The following ALCAM variants were observed in gnomAD, a reference collection of about 807,000 sequenced individuals.
ALCAM encodes CD166 antigen.
In ALCAM, 30 loss-of-function variants were observed where a neutral mutation model predicts 70.9. The observed-to-expected ratio is 0.42, with a 90% CI of 0.32 to 0.57. The LOEUF (loss-of-function observed/expected upper bound fraction) is 0.57, where lower values mean the gene tolerates loss of function less well. Among genes scored for constraint, ALCAM ranks in the 20% least tolerant of loss-of-function variants. The pLI, the probability that ALCAM is intolerant of heterozygous loss-of-function variation, is 0.11. For missense variants in ALCAM, 591 were observed against 695.1 expected, an observed-to-expected ratio of 0.85 and a Z score of 1.68; for synonymous variants, 249 against 242.5, an observed-to-expected ratio of 1.03 and a Z score of -0.25.
At chr3:105,374,322 G>A (rs1176782046) in intron 1 of ALCAM, among the ~76,000 whole-genome samples, 1 of 152,020 alleles carries the variant, frequency 6.6e-6, no homozygotes, top group Admixed American at 6.5e-5. Context: ...TTGGGAGGCC[G>A]AGGCGGGCGG....
At position 105,476,919 on chromosome 3, in the gene ALCAM, G is replaced by A. The variant is rs531528519; in HGVS notation, c.74-43148G>A. ...GTCAGGGGGAGGTAATTGAATCATG[G>A]GGGCTAGTCTTTACCATGCTATCCT... On this transcript the variant is annotated intron_variant, in intron 1 of 15. Coordinates refer to ENST00000306107, the MANE Select transcript of ALCAM (RefSeq NM_001627.4). Among the ~76,000 whole-genome samples the A allele has an allele frequency of 2.6e-5, 4 of 152,032 alleles. No individual in the cohort carries two copies. The South Asian group carries it at 8.3e-4, about 32-fold the overall frequency.
chr3:105,438,037 G>C (rs1937089646), intron 1 of ALCAM, among the ~76,000 whole-genome samples: 1 of 152,020 alleles, frequency 6.6e-6, no homozygotes, highest in Non-Finnish European at 1.5e-5. Flanking sequence ...TTGAAAGCAA[G>C]AATTTTCCCT....
At chr3:105,571,036 T>C (rs1286097594) in intron 14 of ALCAM, among the ~76,000 whole-genome samples, 1 of 152,098 alleles carries the variant, frequency 6.6e-6, no homozygotes, top group Non-Finnish European at 1.5e-5. Flanking sequence ...AACCCTTAAT[T>C]GTGTAATTAA....
chr3:105,442,510 G>A (rs1011529561), intron 1 of ALCAM, among the ~76,000 whole-genome samples: 14 of 152,102 alleles, frequency 9.2e-5, no homozygotes, highest in Non-Finnish European at 1.3e-4. Context: ...GGCCAGGCGC[G>A]GTGGCTCACG....
chr3:105,545,181 C>T (rs72989914), intron 8 of ALCAM, 42 bp from the exon 9 acceptor site: 131,201 of 1,261,450 alleles, frequency 0.1, 7,770 homozygotes, highest in Non-Finnish European at 0.12. Context: ...GACTATCTTA[C>T]ATTTCAGAGT....
chr3:105,430,916 A>G (rs1314231642), intron 1 of ALCAM, among the ~76,000 whole-genome samples: 2 of 152,108 alleles, frequency 1.3e-5, no homozygotes, highest in African/African-American at 4.8e-5. Context: ...GTCCATTACT[A>G]CTCTATTTTG....
At chr3:105,533,118 A>G (rs55925195) in intron 4 of ALCAM, among the ~76,000 whole-genome samples, 46,186 of 152,130 alleles carry the variant, frequency 0.3, 7,837 homozygotes, top group East Asian at 0.54. Flanking sequence ...ATTAAAGTTA[A>G]AATACATTTA....
intron 1 of ALCAM, among the ~76,000 whole-genome samples, chr3:105,452,777 A>AGG (rs1937465196): frequency 6.6e-6 from 1 of 152,216 alleles, no homozygotes; most frequent in African/African-American, 2.4e-5. Flanking sequence ...GACTGGTGTA[A>AGG]GATGGTATCT....
chr3:105,437,334 T>C (rs1026150426), intron 1 of ALCAM, among the ~76,000 whole-genome samples: 4 of 152,232 alleles, frequency 2.6e-5, no homozygotes, highest in African/African-American at 9.6e-5. Context: ...TCATCTATTA[T>C]AAGTAATTAT....
intron 1 of ALCAM, among the ~76,000 whole-genome samples, chr3:105,498,930 A>G (rs140960806): frequency 1.1e-3 from 165 of 152,296 alleles, no homozygotes; most frequent in Middle Eastern, 3.4e-3. Context: ...AGTGTGAGAA[A>G]ATTCTTGAAG....
rs1324450888 is a variant in ALCAM at position 105,576,343 on chromosome 3, A to G, written c.*1892A>G. ...TGTTAAAGAAATTCTAAAATTTTTAAACACCTGCTCTCCACAATAAATCAC... is the reference window on the plus strand; with the variant it reads ...TGTTAAAGAAATTCTAAAATTTTTAGACACCTGCTCTCCACAATAAATCAC... On this transcript the variant is annotated 3_prime_UTR_variant, in exon 16 of 16. Coordinates refer to ENST00000306107, the MANE Select transcript of ALCAM (RefSeq NM_001627.4). The G allele has an allele frequency of 6.6e-6, 1 of 152,556 alleles. No homozygotes were observed. The highest frequency in any genetic ancestry group is 1.5e-5 in the Non-Finnish European group (1 of 68,014). The allele number at this position is 152,556 out of a possible 1,614,324, so 9.5% of individuals were successfully genotyped here.
chr3:105,483,250 GTCC>G (rs1938322277), intron 1 of ALCAM, among the ~76,000 whole-genome samples: 1 of 152,052 alleles, frequency 6.6e-6, no homozygotes, highest in African/African-American at 2.4e-5. Context: ...ACTCATTTCT[GTCC>G]TATTTATTCA....
chr3:105,443,543 A>G (rs905101482), intron 1 of ALCAM, among the ~76,000 whole-genome samples: 2 of 152,230 alleles, frequency 1.3e-5, no homozygotes, highest in African/African-American at 2.4e-5. Flanking sequence ...AATAAAAAGT[A>G]TAACTGGAGT....
chr3:105,562,926 C>T (rs1005058860), intron 14 of ALCAM, among the ~76,000 whole-genome samples: 1 of 152,204 alleles, frequency 6.6e-6, no homozygotes, highest in Non-Finnish European at 1.5e-5. Flanking sequence ...CTGCCTCAGC[C>T]TCCTGAGTAG....
At chr3:105,442,578 G>T (rs535629515) in intron 1 of ALCAM, among the ~76,000 whole-genome samples, 1 of 151,828 alleles carries the variant, frequency 6.6e-6, no homozygotes, top group Non-Finnish European at 1.5e-5. Context: ...TCAGGAGATC[G>T]ATACCATCCT....
intron 1 of ALCAM, among the ~76,000 whole-genome samples, chr3:105,494,006 T>G (rs1444256284): frequency 2.0e-5 from 3 of 152,164 alleles, no homozygotes; most frequent in Non-Finnish European, 4.4e-5. Context: ...CAGGACTGCT[T>G]TGGTTGGATA....
At chr3:105,534,955 C>A in intron 6 of ALCAM, 110 bp downstream of exon 6, 1 of 1,066,160 alleles carries the variant, frequency 9.4e-7, no homozygotes, top group Non-Finnish European at 1.3e-6. Flanking sequence ...TGCTTCCAGT[C>A]TGCACCCCAA....
chr3:105,404,030 C>G (rs1286921837), intron 1 of ALCAM, among the ~76,000 whole-genome samples: 1 of 150,882 alleles, frequency 6.6e-6, no homozygotes, highest in Non-Finnish European at 1.5e-5. Flanking sequence ...CCCAATCTGT[C>G]AAAAACAAAG....
chr3:105,515,103 C>T (rs986913502), intron 1 of ALCAM, among the ~76,000 whole-genome samples: 2 of 151,772 alleles, frequency 1.3e-5, no homozygotes, highest in Non-Finnish European at 2.9e-5. Context: ...CTTTATATAC[C>T]TCATGACCTT....
Sources: gnomAD v4.1 joint callset for allele counts (sites outside exome capture counted in the v4.1 genomes callset) on GRCh38, gnomAD v4.1.1 for gene constraint, MANE v1.5 for transcripts, NCBI Gene and HGNC (gene_info 2026-07-23, HGNC 2026-07-21) for gene names.